The following SLC1A1 variants were observed in gnomAD, a reference collection of about 807,000 sequenced individuals.
The protein encoded by SLC1A1 is solute carrier family 1 member 1.
SLC1A1 carries 43 observed loss-of-function variants against 53.3 expected under a neutral mutation model. The ratio of observed to expected loss-of-function variants is 0.81; its 90% CI spans 0.63 to 1.04. The LOEUF is 1.04. SLC1A1 is among the 50% of genes least tolerant of loss of function. The pLI is 0.00. For synonymous variants in SLC1A1, 307 were observed against 243.2 expected, an observed-to-expected ratio of 1.26 and a Z score of -2.44; for missense variants, 748 against 664.9, an observed-to-expected ratio of 1.12 and a Z score of -1.37.
chr9:4,583,921 A>G lies in SLC1A1; in HGVS notation c.1328+749A>G, dbSNP rs900832540. Among the ~76,000 whole-genome samples the G allele has an allele frequency of 6.7e-6, 1 of 150,320 alleles. No homozygotes were observed. Among genetic ancestry groups the G allele is most frequent in the African/African-American group, 2.5e-5 (1 of 40,568 alleles). On this transcript the variant is annotated intron_variant, in intron 11 of 11. Transcript: ENST00000262352. The surrounding 1 kb of genome is among the most constrained non-coding windows in gnomAD (Gnocchi z 4.6). ...ACACACACACACACACATATGGAAT[A>G]CAGCAGAACATCTGGGTGAGAAAGT...
chr9:4,517,762 G>A (rs1018027724), intron 1 of SLC1A1, among the ~76,000 whole-genome samples: 4 of 152,040 alleles, frequency 2.6e-5, no homozygotes, highest in Non-Finnish European at 5.9e-5. Flanking sequence ...AGGAGAAAAG[G>A]CCACCATGGA....
intron 1 of SLC1A1, among the ~76,000 whole-genome samples, chr9:4,536,075 T>C (rs1159584434): frequency 6.6e-6 from 1 of 152,092 alleles, no homozygotes; most frequent in East Asian, 1.9e-4. Context: ...ATGTTAGACC[T>C]AAAACCATAA....
rs1169918810 is a variant in SLC1A1 at position 4,573,979 on chromosome 9, C to A, written c.840C>A (p.Arg280=). Residue 280 remains arginine, a synonymous_variant, in exon 8 of 12, where the codon CGC becomes CGA. Coordinates refer to ENST00000262352, the MANE Select transcript of SLC1A1 (RefSeq NM_004170.6). ...IIEVEDWEIF[R]KLGLYMATVL... is the part of the protein sequence containing the mutation. ...AAGTTGAAGACTGGGAAATATTCCG[C>A]AAGCTGGGCCTTTACATGGCCACAG... is the stretch of plus-strand genomic sequence containing the variant. The A allele has an allele frequency of 2.5e-6, 4 of 1,613,724 alleles. No homozygotes were observed. The highest frequency in any genetic ancestry group is 2.5e-6 in the Non-Finnish European group (3 of 1,179,604).
chr9:4,528,812 C>T (rs528803472), intron 1 of SLC1A1, among the ~76,000 whole-genome samples: 2 of 152,048 alleles, frequency 1.3e-5, no homozygotes, highest in East Asian at 3.9e-4. Context: ...GACACTGATA[C>T]CCTTATCAAC....
At chr9:4,562,752 A>AT (rs1819077977) in intron 3 of SLC1A1, among the ~76,000 whole-genome samples, 1 of 152,102 alleles carries the variant, frequency 6.6e-6, no homozygotes, top group Non-Finnish European at 1.5e-5. Context: ...TGAACTCATC[A>AT]TTTTTATGGC....
chr9:4,494,769 G>A (rs1032930042), intron 1 of SLC1A1, among the ~76,000 whole-genome samples: 4 of 151,934 alleles, frequency 2.6e-5, no homozygotes, highest in Non-Finnish European at 4.4e-5. Flanking sequence ...CTTCTAATGC[G>A]GGTCATCCAA....
chr9:4,537,950 A>G (rs2130866339), intron 1 of SLC1A1, among the ~76,000 whole-genome samples: 1 of 152,108 alleles, frequency 6.6e-6, no homozygotes, highest in South Asian at 2.1e-4. Context: ...TTTACAAAAA[A>G]CTACATATAT....
At chr9:4,566,923 A>G (rs1194884213) in intron 5 of SLC1A1, among the ~76,000 whole-genome samples, 1 of 152,156 alleles carries the variant, frequency 6.6e-6, no homozygotes, top group Admixed American at 6.5e-5. Context: ...TGTGTATACC[A>G]ACAAAAATGG....
chr9:4,511,799 G>C (rs182328953), intron 1 of SLC1A1, among the ~76,000 whole-genome samples: 1 of 152,196 alleles, frequency 6.6e-6, no homozygotes, highest in Admixed American at 6.5e-5. Flanking sequence ...TTCACAGATG[G>C]CATGATTTTC....
At chr9:4,543,303 C>G (rs564376885) in intron 1 of SLC1A1, among the ~76,000 whole-genome samples, 7 of 152,210 alleles carry the variant, frequency 4.6e-5, no homozygotes, top group Admixed American at 3.3e-4. Flanking sequence ...CATTTTACTT[C>G]CAAATATCAT....
At chr9:4,497,066 A>G (rs1820453531) in intron 1 of SLC1A1, among the ~76,000 whole-genome samples, 1 of 152,108 alleles carries the variant, frequency 6.6e-6, no homozygotes, top group Non-Finnish European at 1.5e-5. Context: ...TTAAGGGTGA[A>G]GCATTGTATT....
chr9:4,514,929 G>A (rs1044456761), intron 1 of SLC1A1, among the ~76,000 whole-genome samples: 2 of 152,042 alleles, frequency 1.3e-5, no homozygotes, highest in Non-Finnish European at 2.9e-5. Context: ...TTACATTACA[G>A]TGTAAAGGCC....
At chr9:4,507,780 G>A (rs563932095) in intron 1 of SLC1A1, among the ~76,000 whole-genome samples, 5 of 152,080 alleles carry the variant, frequency 3.3e-5, no homozygotes, top group Non-Finnish European at 5.9e-5. Flanking sequence ...CAGGATGATC[G>A]GCCACCTTCT....
chr9:4,583,132 G>C lies in SLC1A1; in HGVS notation c.1288G>C (p.Ala430Pro). ...VIVLSAVGLP[A>P]EDVTLIIAVD... ...TGTGCTGAGTGCCGTGGGCCTGCCC[G>C]CCGAGGATGTCACCCTGATCATTGC... The change falls in exon 11 of 12, where the codon GCC (alanine) becomes CCC (proline). Residue 430 changes from alanine (A) to proline (P), a missense_variant. Transcript: ENST00000262352. The surrounding 1 kb of genome is among the most constrained non-coding windows in gnomAD (Gnocchi z 4.6). 1 of 1,614,210 alleles carries C rather than the reference G, an allele frequency of 6.2e-7. No individual in the cohort carries two copies. The highest frequency in any genetic ancestry group is 1.1e-5 in the South Asian group (1 of 91,082).
At chr9:4,496,442 A>G (rs1350064070) in intron 1 of SLC1A1, among the ~76,000 whole-genome samples, 4 of 151,964 alleles carry the variant, frequency 2.6e-5, no homozygotes, top group African/African-American at 9.7e-5. Context: ...CTGGTCTTGA[A>G]TGCCTGGCTT....
intron 6 of SLC1A1, among the ~76,000 whole-genome samples, chr9:4,569,275 A>G (rs537117218): frequency 5.9e-5 from 9 of 152,220 alleles, no homozygotes; most frequent in Non-Finnish European, 1.2e-4. Context: ...TGGTGTATAT[A>G]CTGCATATTA....
chr9:4,520,962 A>G (rs1390731766), intron 1 of SLC1A1, among the ~76,000 whole-genome samples: 2 of 152,232 alleles, frequency 1.3e-5, no homozygotes, highest in Non-Finnish European at 2.9e-5. Flanking sequence ...AAAAATAGCC[A>G]TTCTAATGAG....
intron 1 of SLC1A1, among the ~76,000 whole-genome samples, chr9:4,499,581 A>G (rs1218078477): frequency 1.5e-5 from 1 of 68,176 alleles, no homozygotes; most frequent in East Asian, 5.7e-4. Flanking sequence ...AAGTCTATCA[A>G]AACTCCAACA....
intron 10 of SLC1A1, among the ~76,000 whole-genome samples, chr9:4,580,712 A>G (rs1212830770): frequency 6.7e-6 from 1 of 150,162 alleles, no homozygotes; most frequent in Non-Finnish European, 1.5e-5. Flanking sequence ...GCTGAGAGAA[A>G]AAAAAAGTAG....
Sources: gnomAD v4.1 joint callset for allele counts (sites outside exome capture counted in the v4.1 genomes callset) on GRCh38, gnomAD v4.1.1 for gene constraint, Gnocchi (gnomAD v3.1) non-coding constraint, MANE v1.5 for transcripts, NCBI Gene and HGNC (gene_info 2026-07-23, HGNC 2026-07-21) for gene names.